SYNCRIP: variants seen among roughly 807,000 people sequenced by gnomAD.
SYNCRIP encodes synaptotagmin binding cytoplasmic RNA interacting protein, also known as heterogeneous nuclear ribonucleoprotein Q.
In SYNCRIP, 9 loss-of-function variants were observed where a neutral mutation model predicts 68.9. The ratio of observed to expected loss-of-function variants is 0.13; its 90% confidence interval spans 0.08 to 0.23. The LOEUF (loss-of-function observed/expected upper bound fraction) is 0.23, where lower values mean the gene tolerates loss of function less well. Among genes scored for constraint, SYNCRIP ranks in the 10% least tolerant of loss-of-function variants. SYNCRIP has a pLI of 1.00. For missense variants in SYNCRIP, 414 were observed against 770.6 expected (o/e 0.54, Z 5.48); for synonymous variants, 258 against 254.0 (o/e 1.02, Z -0.15).
intron 6 of SYNCRIP, among the ~76,000 whole-genome samples, chr6:85,636,710 A>G (rs1808495539): frequency 6.6e-6 from 1 of 152,182 alleles, no homozygotes; most frequent in Non-Finnish European, 1.5e-5. Context: ...ACAAACACAC[A>G]AAAACGTCAC....
intron 10 of SYNCRIP, 62 bp from the exon 11 acceptor site, chr6:85,615,409 T>C (rs1168612878): frequency 6.1e-6 from 7 of 1,140,584 alleles, no homozygotes; most frequent in Admixed American, 3.2e-5. Context: ...AAGTAGGCAT[T>C]TAGCCATTTG....
At chr6:85,613,849 A>G, downstream of SYNCRIP, 6 of 461,870 alleles carry the variant, frequency 1.3e-5, no homozygotes, top group Non-Finnish European at 1.7e-5. Flanking sequence ...TAGTTAGGAT[A>G]AACTTTAGGC....
chr6:85,610,863 C>G (rs772763845), downstream of SYNCRIP: 1 of 151,974 alleles, frequency 6.6e-6, no homozygotes, highest in Non-Finnish European at 1.5e-5. Context: ...AGCCCTCAAA[C>G]TTACACTAAG....
rs1020167498 is a variant in SYNCRIP, at chr6:85,614,704, TGA to T, written c.*50_*51del. 2.7e-6 allele frequency: 4 copies of T among 1,507,782 alleles called. No individual in the cohort carries two copies. In the African/African-American group the frequency reaches 5.6e-5, roughly 21 times the overall value. The allele number at this position is 1,507,782 out of a possible 1,614,324, so 93.4% of individuals were successfully genotyped here. A position where few individuals can be genotyped will look rare whatever the true frequency, so the allele number is the denominator to read the frequency against. On this transcript the variant is annotated 3_prime_UTR_variant, in exon 11 of 11. Coordinates refer to ENST00000369622, the MANE Select transcript of SYNCRIP (RefSeq NM_006372.5). ...TAGCGGCACCCGTTCAGATTTAGGG[TGA>T]GTTTCTGATCAACCTATCAGTCTCC...
At chr6:85,620,826 C>T (rs149370327) in intron 8 of SYNCRIP, among the ~76,000 whole-genome samples, 2 of 152,256 alleles carry the variant, frequency 1.3e-5, no homozygotes, top group East Asian at 1.9e-4. Context: ...ATGCAGACTA[C>T]AGGCTACATC....
chr6:85,636,837 T>TG (rs2128300752), intron 6 of SYNCRIP, 130 bp downstream of exon 6: 2 of 780,726 alleles, frequency 2.6e-6, no homozygotes, highest in African/African-American at 1.8e-5. Flanking sequence ...CACAGTGATG[T>TG]GGGAAAAAAA....
At position 85,636,826 on chromosome 6, in the gene SYNCRIP, GCA is replaced by G. The variant is rs1317328344; in HGVS notation, c.666+139_666+140del. On this transcript the variant is annotated intron_variant, in intron 6 of 10. Coordinates refer to ENST00000369622, the MANE Select transcript of SYNCRIP (RefSeq NM_006372.5). ...TGCAAAGAATAACACTACAATGCTT[GCA>G]CAGTGATGTGGGAAAAAAAAAACCT... The G allele has an allele frequency of 1.2e-5, 8 of 688,422 alleles. No individual in the cohort carries two copies. The African/African-American group carries it at 1.5e-4, about 13-fold the overall frequency. The allele number at this position is 688,422 out of a possible 1,614,324, so 42.6% of individuals were successfully genotyped here.
intron 6 of SYNCRIP, among the ~76,000 whole-genome samples, chr6:85,636,236 G>C (rs1405047316): frequency 6.6e-6 from 1 of 152,050 alleles, no homozygotes; most frequent in Non-Finnish European, 1.5e-5. Flanking sequence ...CCGGAGGTCA[G>C]GAGTTCGAGA....
At chr6:85,612,946 CAGTT>C, downstream of SYNCRIP, 1 of 1,549,846 alleles carries the variant, frequency 6.5e-7, no homozygotes, top group Non-Finnish European at 8.7e-7. Flanking sequence ...CAAAAGGAAT[CAGTT>C]AGATAAATCA....
chr6:85,638,413 A>G lies in SYNCRIP; in HGVS notation c.376-1057T>C, dbSNP rs184460740. ...AAAAAAAAAAAAAAAAAAAAAAGGT[A>G]CACTCCTCCATTATCTGAAGGAAAA... is the stretch of plus-strand genomic sequence containing the variant. On this transcript the variant is annotated intron_variant, in intron 4 of 10. Coordinates refer to ENST00000369622, the MANE Select transcript of SYNCRIP (RefSeq NM_006372.5). Among the ~76,000 whole-genome samples, 439 of 143,528 alleles carry G rather than the reference A, an allele frequency of 3.1e-3. 12 individuals are homozygous for G. The highest frequency in any genetic ancestry group is 1.6e-3 in the Non-Finnish European group (107 of 65,740). 94.2% of individuals were successfully genotyped at this position (143,528 alleles called of 152,430 possible). A position where few individuals can be genotyped will look rare whatever the true frequency, so the allele number is the denominator to read the frequency against.
chr6:85,640,034 T>C (rs1054625226), intron 4 of SYNCRIP, among the ~76,000 whole-genome samples, 187 bp downstream of exon 4: 1 of 152,166 alleles, frequency 6.6e-6, no homozygotes, highest in Non-Finnish European at 1.5e-5. Context: ...CTGGATAACA[T>C]GATAAACTTC....
intron 6 of SYNCRIP, 27 bp downstream of exon 6, chr6:85,636,940 A>G (rs202053213): frequency 1.9e-6 from 3 of 1,563,688 alleles, no homozygotes; most frequent in East Asian, 4.5e-5. Context: ...GAACGTGAAA[A>G]CTGAAGGGGA....
intron 6 of SYNCRIP, among the ~76,000 whole-genome samples, chr6:85,628,335 C>A (rs1255597660): frequency 6.6e-6 from 1 of 152,224 alleles, no homozygotes; most frequent in East Asian, 1.9e-4. Context: ...GGATCACAGG[C>A]ATGATCCACC....
intron 6 of SYNCRIP, among the ~76,000 whole-genome samples, chr6:85,627,889 GTCA>G (rs1807245093): frequency 6.6e-6 from 1 of 152,132 alleles, no homozygotes; most frequent in Non-Finnish European, 1.5e-5. Context: ...GAACGTTCCT[GTCA>G]TCAAGTCTCA....
intron 10 of SYNCRIP, among the ~76,000 whole-genome samples, chr6:85,617,198 A>T (rs1021537682): frequency 2.8e-4 from 35 of 124,842 alleles, no homozygotes; most frequent in Admixed American, 2.6e-3. Flanking sequence ...GTTAAAACTT[A>T]AAAAAAAAAA....
At chr6:85,641,897 T>C (rs753014639) in intron 1 of SYNCRIP, among the ~76,000 whole-genome samples, 2 of 152,126 alleles carry the variant, frequency 1.3e-5, no homozygotes, top group Non-Finnish European at 2.9e-5. Flanking sequence ...AAAGCGCTCA[T>C]ACAAGCCACC....
intron 8 of SYNCRIP, 68 bp from the exon 9 acceptor site, chr6:85,619,485 A>C (rs890887338): frequency 7.1e-7 from 1 of 1,400,324 alleles, no homozygotes. Context: ...CCACCACCCC[A>C]CCCTACAAAG....
At position 85,614,546 on chromosome 6, in the gene SYNCRIP, G is replaced by T; in HGVS notation, c.*210C>A. On this transcript the variant is annotated 3_prime_UTR_variant, in exon 11 of 11. Transcript: ENST00000369622. ...ATTAACTATTTCTTTCAGTATCTAAGAATATCTTTATTGAAAAAAATTAAA... is the reference window on the plus strand; with the variant it reads ...ATTAACTATTTCTTTCAGTATCTAATAATATCTTTATTGAAAAAAATTAAA... The T allele has an allele frequency of 7.8e-7, 1 of 1,277,470 alleles. No homozygotes were observed. The highest frequency in any genetic ancestry group is 9.9e-7 in the Non-Finnish European group (1 of 1,014,436). 79.1% of individuals were successfully genotyped at this position (1,277,470 alleles called of 1,614,324 possible).
chr6:85,634,637 CTG>C (rs1418222953), intron 6 of SYNCRIP, among the ~76,000 whole-genome samples: 5 of 151,816 alleles, frequency 3.3e-5, no homozygotes, highest in Non-Finnish European at 7.4e-5. Flanking sequence ...CTAGCTGAAA[CTG>C]TGAATGCAGG....
Sources: allele counts gnomAD v4.1 joint callset (sites outside exome capture counted in the v4.1 genomes callset), GRCh38; gene constraint gnomAD v4.1.1; transcripts MANE v1.5; gene names NCBI Gene and HGNC (gene_info 2026-07-23, HGNC 2026-07-21).